NKD2: variants seen among roughly 807,000 people sequenced by gnomAD.
The protein encoded by NKD2 is protein naked cuticle homolog 2.
Under a neutral mutation model 34.8 loss-of-function variants are expected in NKD2, and 43 were observed. That is an observed-to-expected ratio of 1.24 (90% confidence interval 0.97 to 1.60). NKD2 has a LOEUF of 1.60. Ranked by LOEUF, NKD2 falls within the 40% of genes most tolerant of loss-of-function variation. NKD2 has a pLI of 0.00. For synonymous variants in NKD2, 278 were observed against 265.1 expected (o/e 1.05, Z -0.47); for missense variants, 675 against 627.1 (o/e 1.08, Z -0.82).
chr5:1,009,330 G>A lies in NKD2; in HGVS notation c.61+116G>A. 1 of 547,822 alleles carries A rather than the reference G, an allele frequency of 1.8e-6. No individual in the cohort carries two copies. The highest frequency in any genetic ancestry group is 3.0e-6 in the Non-Finnish European group (1 of 329,546). 33.9% of individuals were successfully genotyped at this position (547,822 alleles called of 1,614,324 possible). A position where few individuals can be genotyped will look rare whatever the true frequency, so the allele number is the denominator to read the frequency against. ...CCAGCAGTGGGGGGACGGGGCCGCG[G>A]GTCTCCAGGAGCGCGCGGGACCCCC... On this transcript the variant is annotated intron_variant, in intron 2 of 9. Coordinates refer to ENST00000296849, the MANE Select transcript of NKD2 (RefSeq NM_033120.4). This position sits in a 1 kb window ranked among gnomAD's most constrained non-coding sequence, Gnocchi z 6.9.
intron 9 of NKD2, chr5:1,036,899 G>T: frequency 4.5e-6 from 2 of 446,872 alleles, no homozygotes; most frequent in Non-Finnish European, 9.0e-6. Flanking sequence ...CGGGCAGTGT[G>T]GATGGCAGCC....
chr5:1,025,708 C>T (rs865786894), intron 3 of NKD2, among the ~76,000 whole-genome samples: 10 of 15,622 alleles, frequency 6.4e-4, no homozygotes, highest in African/African-American at 9.1e-4. Context: ...CCTCTGTGGG[C>T]GTCCCAGCCC....
At chr5:1,029,696 T>TA (rs1756563792) in intron 3 of NKD2, among the ~76,000 whole-genome samples, 1 of 152,146 alleles carries the variant, frequency 6.6e-6, no homozygotes, top group Non-Finnish European at 1.5e-5. Context: ...TAAAAATCCT[T>TA]AAAAAATACT....
rs1734096168 is a variant in NKD2, at chr5:1,038,126, A to G, written c.1109A>G (p.His370Arg). ...VLPPQAPQDG[H>R]HLPQPPPPPY... Reference sequence around the variant, plus strand: ...CCGCCCCAGGCCCCTCAGGACGGCCACCACCTCCCGCAGCCCCCACCGCCA... The same window carrying G: ...CCGCCCCAGGCCCCTCAGGACGGCCGCCACCTCCCGCAGCCCCCACCGCCA... Residue 370 changes from histidine to arginine, a missense_variant, in exon 10 of 10, where the codon CAC (histidine) becomes CGC (arginine). Coordinates refer to ENST00000296849, the MANE Select transcript of NKD2 (RefSeq NM_033120.4). This position sits in a 1 kb window ranked among gnomAD's most constrained non-coding sequence, Gnocchi z 4.5. The G allele has an allele frequency of 1.3e-6, 2 of 1,593,302 alleles. No individual in the cohort carries two copies. The highest frequency in any genetic ancestry group is 1.7e-6 in the Non-Finnish European group (2 of 1,172,178).
Position 1,030,026 on chromosome 5 carries a change from GT to G in NKD2, c.142-2125del, listed in dbSNP as rs201625977. On this transcript the variant is annotated intron_variant, in intron 3 of 9. Coordinates refer to ENST00000296849, the MANE Select transcript of NKD2 (RefSeq NM_033120.4). ...GGGGGATTGTGGTGCGGGGGGGGGGGTACTGAGAACCCTGGGGGCTTCACCA... is the reference window on the plus strand; with the variant it reads ...GGGGGATTGTGGTGCGGGGGGGGGGGACTGAGAACCCTGGGGGCTTCACCA... Among the ~76,000 whole-genome samples the G allele has an allele frequency of 2.1e-3, 315 of 148,134 alleles. 18 individuals are homozygous for G. The highest frequency in any genetic ancestry group is 0.011 in the Middle Eastern group (3 of 284).
intron 3 of NKD2, among the ~76,000 whole-genome samples, chr5:1,027,713 G>T (rs762076286): frequency 4.6e-5 from 7 of 152,352 alleles, no homozygotes; most frequent in Non-Finnish European, 7.3e-5. Context: ...TTCCCACCGG[G>T]CGTTCCACCA....
chr5:1,032,270 A>G, intron 4 of NKD2, 58 bp downstream of exon 4: 2 of 1,423,408 alleles, frequency 1.4e-6, no homozygotes, highest in Non-Finnish European at 2.0e-6. Flanking sequence ...TCCCGTACCA[A>G]GGCAACGCCG....
At chr5:1,028,506 C>T (rs1324534911) in intron 3 of NKD2, among the ~76,000 whole-genome samples, 1 of 152,080 alleles carries the variant, frequency 6.6e-6, no homozygotes, top group Non-Finnish European at 1.5e-5. Context: ...ACGGGGCAGG[C>T]CCACGGTCGG....
At position 1,037,837 on chromosome 5, in the gene NKD2, C is replaced by T; in HGVS notation, c.820C>T (p.Gln274Ter). The change falls in exon 10 of 10, where the codon CAG becomes TAG. Residue 274 changes from glutamine (Q) to a stop codon, truncating the protein, a stop_gained. Transcript: ENST00000296849. LOFTEE classifies it low-confidence loss of function (END_TRUNC). Reference protein sequence around the residue: ...SPPVQAKQEPQGRASHLQARS... With the variant: ...SPPVQAKQEP ...TCCTGTGCAAGCAAAGCAGGAGCCC[C>T]AGGGCAGGGCCTCGCACCTCCAGGC... The T allele has an allele frequency of 6.3e-7, 1 of 1,586,992 alleles. No individual in the cohort carries two copies. The highest frequency in any genetic ancestry group is 8.5e-7 in the Non-Finnish European group (1 of 1,170,316).
intron 3 of NKD2, among the ~76,000 whole-genome samples, chr5:1,015,325 G>A (rs904579765): frequency 9.9e-5 from 15 of 152,230 alleles, no homozygotes; most frequent in Admixed American, 2.0e-4. Flanking sequence ...GGGGTCCACC[G>A]TCCTTCCTGT....
rs1301009220 is a variant in NKD2 at position 1,009,980 on chromosome 5, A to G, written c.141+420A>G. 6.6e-6 allele frequency among the ~76,000 whole-genome samples: 1 copy of G among 152,150 alleles called. No individual in the cohort carries two copies. Among genetic ancestry groups the G allele is most frequent in the African/African-American group, 2.4e-5 (1 of 41,426 alleles). On this transcript the variant is annotated intron_variant, in intron 3 of 9. Transcript: ENST00000296849. The surrounding 1 kb of genome is among the most constrained non-coding windows in gnomAD (Gnocchi z 6.9). ...GTGGGAGCTACAGACCTGGGGCATCACTGGTCATAGCCTCAGTGCTCAATC... is the reference window on the plus strand; with the variant it reads ...GTGGGAGCTACAGACCTGGGGCATCGCTGGTCATAGCCTCAGTGCTCAATC...
chr5:1,013,857 G>A (rs1439384255), intron 3 of NKD2, among the ~76,000 whole-genome samples: 1 of 152,226 alleles, frequency 6.6e-6, no homozygotes, highest in African/African-American at 2.4e-5. Context: ...TGCATTCTCA[G>A]TGTCGGCCCC....
chr5:1,019,856 C>T (rs1479428176), intron 3 of NKD2, among the ~76,000 whole-genome samples: 4 of 152,164 alleles, frequency 2.6e-5, no homozygotes, highest in South Asian at 2.1e-4. Context: ...AAAACAAAAA[C>T]GTCCGGTGGG....
intron 3 of NKD2, among the ~76,000 whole-genome samples, chr5:1,010,579 G>A (rs536344532): frequency 3.3e-4 from 50 of 152,258 alleles, no homozygotes; most frequent in African/African-American, 1.1e-3. Context: ...ACCATCTAAC[G>A]CCTGTGATGG....
At chr5:1,022,060 C>T (rs991359805) in intron 3 of NKD2, among the ~76,000 whole-genome samples, 4 of 144,728 alleles carry the variant, frequency 2.8e-5, no homozygotes, top group Non-Finnish European at 4.6e-5. Context: ...TACCGCCAGT[C>T]GAAACGGGGT....
chr5:1,020,416 C>T (rs1756127768), intron 3 of NKD2, among the ~76,000 whole-genome samples: 1 of 152,132 alleles, frequency 6.6e-6, no homozygotes, highest in Non-Finnish European at 1.5e-5. Flanking sequence ...AAGACACCTG[C>T]TCTCCACCCC....
intron 3 of NKD2, among the ~76,000 whole-genome samples, chr5:1,030,019 G>T (rs560855070): frequency 6.6e-6 from 1 of 150,718 alleles, no homozygotes. Context: ...GTGGTGCGGG[G>T]GGGGGGGTAC....
rs1360727444 is a variant in NKD2, at chr5:1,038,280, G to C, written c.1263G>C (p.Glu421Asp). Reference sequence around the variant, plus strand: ...ACCTGCCGCCCACGCCAGCAGGAGAGGGCTACGCGGTGCCAGTGATCCAGC... The same window carrying C: ...ACCTGCCGCCCACGCCAGCAGGAGACGGCTACGCGGTGCCAGTGATCCAGC... ...VRDLPPTPAG[E>D]GYAVPVIQRH... Residue 421 changes from glutamate (E) to aspartate (D), a missense_variant, in exon 10 of 10, where the codon GAG becomes GAC. Glu to Asp is a conservative substitution (Grantham distance 45). Coordinates refer to ENST00000296849, the MANE Select transcript of NKD2 (RefSeq NM_033120.4). This position sits in a 1 kb window ranked among gnomAD's most constrained non-coding sequence, Gnocchi z 4.5. The C allele has an allele frequency of 6.4e-7, 1 of 1,564,958 alleles. No homozygotes were observed. Among genetic ancestry groups the C allele is most frequent in the Admixed American group, 1.8e-5 (1 of 54,384 alleles).
At position 1,038,393 on chromosome 5, in the gene NKD2, T is replaced by C. The variant is rs776551587; in HGVS notation, c.*20T>C. The C allele has an allele frequency of 1.3e-6, 2 of 1,534,716 alleles. No individual in the cohort carries two copies. The highest frequency in any genetic ancestry group is 2.4e-5 in the South Asian group (2 of 83,986). On this transcript the variant is annotated 3_prime_UTR_variant, in exon 10 of 10. Transcript: ENST00000296849. The surrounding 1 kb of genome is among the most constrained non-coding windows in gnomAD (Gnocchi z 4.5). ...TCCTAGCGCCACTGCCAAGCACACC[T>C]CGCTCCCAGCACACCACAGCCCGCG...
Sources: allele counts gnomAD v4.1 joint callset (sites outside exome capture counted in the v4.1 genomes callset), GRCh38; gene constraint gnomAD v4.1.1; non-coding constraint Gnocchi (gnomAD v3.1); transcripts MANE v1.5; gene names NCBI Gene and HGNC (gene_info 2026-07-23, HGNC 2026-07-21).